The following CNOT6 variants were observed in gnomAD, a reference collection of about 807,000 sequenced individuals.
The protein encoded by CNOT6 is CCR4-NOT transcription complex subunit 6.
CNOT6 carries 12 observed loss-of-function variants against 61.2 expected under a neutral mutation model. The ratio of observed to expected loss-of-function variants is 0.20; its 90% CI spans 0.13 to 0.32. The LOEUF is 0.32. Ranked by LOEUF, CNOT6 falls within the 10% of genes least tolerant of loss-of-function variation. The pLI, the probability that CNOT6 is intolerant of heterozygous loss-of-function variation, is 1.00. For synonymous variants in CNOT6, 225 were observed against 240.6 expected (o/e 0.94, Z 0.60); for missense variants, 405 against 663.9 (o/e 0.61, Z 4.28).
chr5:180,497,503 C>T (rs1756667790), intron 1 of CNOT6, among the ~76,000 whole-genome samples: 1 of 152,016 alleles, frequency 6.6e-6, no homozygotes, highest in Non-Finnish European at 1.5e-5. Context: ...TTCTTTGGGC[C>T]GTTAGGGGTG....
intron 4 of CNOT6, among the ~76,000 whole-genome samples, chr5:180,556,939 G>C (rs1225789029): frequency 6.6e-6 from 1 of 151,062 alleles, no homozygotes; most frequent in Non-Finnish European, 1.5e-5. Flanking sequence ...CTGGGCAACA[G>C]AGCGAGACTC....
intron 2 of CNOT6, chr5:180,534,502 A>G (rs11953441): frequency 0.18 from 27,897 of 156,528 alleles, 2,834 homozygotes; most frequent in Non-Finnish European, 0.19. Flanking sequence ...ACAGGGAGGA[A>G]TAGTCTGGTG....
At chr5:180,571,135 G>T in intron 10 of CNOT6, 95 bp from the exon 11 acceptor site, 1 of 800,472 alleles carries the variant, frequency 1.2e-6, no homozygotes, top group Non-Finnish European at 2.0e-6. Flanking sequence ...TGGAACGTGG[G>T]AATATGTATA....
At chr5:180,519,975 A>G (rs776026173) in intron 1 of CNOT6, among the ~76,000 whole-genome samples, 6 of 151,994 alleles carry the variant, frequency 3.9e-5, no homozygotes, top group Non-Finnish European at 5.9e-5. Flanking sequence ...CTGGAATTAT[A>G]GGCATGTGCC....
At chr5:180,538,756 C>G (rs1023645188) in intron 2 of CNOT6, among the ~76,000 whole-genome samples, 3 of 148,442 alleles carry the variant, frequency 2.0e-5, no homozygotes, top group Non-Finnish European at 1.5e-5. Flanking sequence ...CAACTGTGGT[C>G]CCAGCTACCC....
chr5:180,564,135 C>T (rs1760330252), intron 4 of CNOT6, among the ~76,000 whole-genome samples: 1 of 152,176 alleles, frequency 6.6e-6, no homozygotes, highest in African/African-American at 2.4e-5. Context: ...GTTTCCTCTG[C>T]CCACCCACTC....
At chr5:180,561,100 G>A (rs914232496) in intron 4 of CNOT6, among the ~76,000 whole-genome samples, 1 of 152,068 alleles carries the variant, frequency 6.6e-6, no homozygotes, top group African/African-American at 2.4e-5. Context: ...ACAGGCATGT[G>A]CCACCATGCC....
chr5:180,528,466 A>C (rs1261815926), intron 1 of CNOT6, among the ~76,000 whole-genome samples: 1 of 150,242 alleles, frequency 6.7e-6, no homozygotes. Flanking sequence ...GCCTGCCACC[A>C]TGCCCGGCTA....
intron 2 of CNOT6, among the ~76,000 whole-genome samples, chr5:180,537,106 A>G (rs1476330481): frequency 2.0e-5 from 3 of 152,252 alleles, no homozygotes; most frequent in Non-Finnish European, 4.4e-5. Context: ...AAGCTACTAT[A>G]AACATCTGTG....
intron 2 of CNOT6, among the ~76,000 whole-genome samples, chr5:180,530,602 G>A (rs1167861999): frequency 2.7e-5 from 4 of 150,408 alleles, no homozygotes; most frequent in Non-Finnish European, 5.9e-5. Flanking sequence ...TCATTCTTGG[G>A]TGTTTCTCGG....
At chr5:180,535,430 T>C (rs1758633896) in intron 2 of CNOT6, among the ~76,000 whole-genome samples, 1 of 152,222 alleles carries the variant, frequency 6.6e-6, no homozygotes, top group African/African-American at 2.4e-5. Flanking sequence ...GTTTCTGAGT[T>C]GTTTTGCTTA....
chr5:180,553,641 T>C (rs1330072310), intron 4 of CNOT6, among the ~76,000 whole-genome samples, 170 bp downstream of exon 4: 2 of 152,212 alleles, frequency 1.3e-5, no homozygotes, highest in African/African-American at 4.8e-5. Flanking sequence ...AGCTGTAGAC[T>C]ATCTACTAGT....
At chr5:180,509,404 C>T (rs1198402041) in intron 1 of CNOT6, among the ~76,000 whole-genome samples, 1 of 152,052 alleles carries the variant, frequency 6.6e-6, no homozygotes, top group African/African-American at 2.4e-5. Flanking sequence ...GCTGGGATTA[C>T]AGTTGTGAGC....
At chr5:180,534,263 G>A (rs1008975584) in intron 2 of CNOT6, 3 of 162,234 alleles carry the variant, frequency 1.8e-5, no homozygotes, top group Middle Eastern at 5.9e-4. Context: ...GAAGGTTGAC[G>A]TAGGCATTAA....
chr5:180,534,245 C>T (rs1184728504), intron 2 of CNOT6: 3 of 157,772 alleles, frequency 1.9e-5, no homozygotes, highest in East Asian at 1.8e-4. Context: ...TCTTTGCTAC[C>T]GAAAGGGGAA....
At chr5:180,508,602 G>C (rs1056680792) in intron 1 of CNOT6, among the ~76,000 whole-genome samples, 2 of 151,850 alleles carry the variant, frequency 1.3e-5, no homozygotes, top group Non-Finnish European at 2.9e-5. Flanking sequence ...GAGCTACCAC[G>C]CCCAGCCTAG....
intron 1 of CNOT6, among the ~76,000 whole-genome samples, chr5:180,525,215 T>C (rs1758045866): frequency 6.6e-6 from 1 of 152,214 alleles, no homozygotes; most frequent in Admixed American, 6.5e-5. Context: ...TTCTGTGCTT[T>C]GATTAAACAG....
chr5:180,520,293 T>C (rs1757824435), intron 1 of CNOT6, among the ~76,000 whole-genome samples: 1 of 152,166 alleles, frequency 6.6e-6, no homozygotes, highest in Admixed American at 6.5e-5. Flanking sequence ...CATCTGGGAA[T>C]GACTAACTGG....
At chr5:180,556,121 G>A (rs932241102) in intron 4 of CNOT6, among the ~76,000 whole-genome samples, 14 of 152,046 alleles carry the variant, frequency 9.2e-5, no homozygotes, top group Admixed American at 3.9e-4. Context: ...TCACGTTATC[G>A]TACATAGAAC....
Sources: allele counts gnomAD v4.1 joint callset (sites outside exome capture counted in the v4.1 genomes callset), GRCh38; gene constraint gnomAD v4.1.1; transcripts MANE v1.5; gene names NCBI Gene and HGNC (gene_info 2026-07-23, HGNC 2026-07-21).